Variants in MAGI3 observed in about 807,000 individuals in gnomAD.
MAGI3 encodes the protein membrane associated guanylate kinase, WW and PDZ domain containing 3, also known as membrane-associated guanylate kinase, WW and PDZ domain-containing protein 3.
Under a neutral mutation model 121.8 loss-of-function variants are expected in MAGI3, and 43 were observed. That is an observed-to-expected ratio of 0.35 (90% CI 0.28 to 0.46). MAGI3 has a LOEUF of 0.46. Ranked by LOEUF, MAGI3 falls within the 20% of genes least tolerant of loss-of-function variation. MAGI3 has a pLI of 1.00. For synonymous variants in MAGI3, 553 were observed against 639.3 expected, an observed-to-expected ratio of 0.86 and a Z score of 2.04; for missense variants, 1,547 against 1,797.3, an observed-to-expected ratio of 0.86 and a Z score of 2.52.
intron 1 of MAGI3, among the ~76,000 whole-genome samples, chr1:113,538,930 A>G (rs1201629515): frequency 6.6e-6 from 1 of 152,202 alleles, no homozygotes; most frequent in East Asian, 1.9e-4. Context: ...GTTTTTTGTC[A>G]TAATGGTCCA....
intron 1 of MAGI3, among the ~76,000 whole-genome samples, chr1:113,504,668 T>C (rs140494567): frequency 2.6e-5 from 4 of 152,218 alleles, no homozygotes; most frequent in African/African-American, 9.6e-5. Context: ...TTTATTAAAA[T>C]GGAAAATACA....
intron 4 of MAGI3, 57 bp downstream of exon 4, chr1:113,585,653 G>A (rs984925346): frequency 6.2e-5 from 91 of 1,468,438 alleles, no homozygotes; most frequent in Non-Finnish European, 7.6e-5. Context: ...TTACTATTAC[G>A]TTGAATTAAA....
At chr1:113,669,395 T>C (rs565585789) in intron 16 of MAGI3, among the ~76,000 whole-genome samples, 17 of 152,276 alleles carry the variant, frequency 1.1e-4, no homozygotes, top group Middle Eastern at 3.4e-3. Context: ...TGTGAGAACA[T>C]TGTGATCACA....
chr1:113,571,891 C>T (rs1011619409), intron 2 of MAGI3, among the ~76,000 whole-genome samples: 17 of 152,184 alleles, frequency 1.1e-4, no homozygotes, highest in Admixed American at 1.1e-3. Context: ...TTATTTCTTT[C>T]TCTTGCCTAA....
intron 1 of MAGI3, among the ~76,000 whole-genome samples, chr1:113,465,090 T>A (rs1655214296): frequency 1.3e-5 from 2 of 152,182 alleles, no homozygotes; most frequent in Admixed American, 1.3e-4. Flanking sequence ...TCCTGGAGCA[T>A]CTCCCCAGTG....
At chr1:113,495,022 C>T (rs1656850478) in intron 1 of MAGI3, among the ~76,000 whole-genome samples, 1 of 152,000 alleles carries the variant, frequency 6.6e-6, no homozygotes, top group Non-Finnish European at 1.5e-5. Context: ...CTTCTTAGTT[C>T]ATTGTTAGTA....
At chr1:113,533,762 C>T (rs1395538525) in intron 1 of MAGI3, among the ~76,000 whole-genome samples, 1 of 150,608 alleles carries the variant, frequency 6.6e-6, no homozygotes, top group Non-Finnish European at 1.5e-5. Context: ...TTGATTTGGA[C>T]TGTTTAAATA....
intron 4 of MAGI3, 116 bp from the exon 5 acceptor site, chr1:113,590,368 G>C (rs988043381): frequency 1.0e-6 from 1 of 953,694 alleles, no homozygotes; most frequent in African/African-American, 1.7e-5. Context: ...GGACATAATA[G>C]ACAAGAAATT....
intron 1 of MAGI3, among the ~76,000 whole-genome samples, chr1:113,529,630 A>C (rs755366241): frequency 5.3e-5 from 8 of 152,164 alleles, no homozygotes; most frequent in Non-Finnish European, 8.8e-5. Context: ...TTTTTCTTCT[A>C]TACTGGATGT....
chr1:113,665,759 G>A (rs901981512), intron 16 of MAGI3, among the ~76,000 whole-genome samples: 1 of 151,984 alleles, frequency 6.6e-6, no homozygotes, highest in Non-Finnish European at 1.5e-5. Context: ...CTCTTGGTAA[G>A]GTGAGTCTCA....
intron 1 of MAGI3, among the ~76,000 whole-genome samples, chr1:113,531,654 C>A (rs566314863): frequency 9.6e-4 from 118 of 123,364 alleles, no homozygotes; most frequent in African/African-American, 3.4e-3. Flanking sequence ...TTTATTTTGC[C>A]ATTTGTTTTG....
At chr1:113,482,892 A>G (rs1486509347) in intron 1 of MAGI3, among the ~76,000 whole-genome samples, 1 of 149,634 alleles carries the variant, frequency 6.7e-6, no homozygotes, top group Non-Finnish European at 1.5e-5. Flanking sequence ...TGCAGCCTCA[A>G]CCTCCTGGGC....
At chr1:113,437,888 T>C (rs539178415) in intron 1 of MAGI3, among the ~76,000 whole-genome samples, 51 of 2,126 alleles carry the variant, frequency 0.024, 2 homozygotes, top group East Asian at 0.1. Context: ...CTCCTTCTCC[T>C]TCTCCTTCTC....
chr1:113,594,374 G>T, intron 5 of MAGI3, 107 bp from the exon 6 acceptor site: 1 of 774,532 alleles, frequency 1.3e-6, no homozygotes, highest in Non-Finnish European at 2.1e-6. Context: ...GCCTGTTGGA[G>T]ATTAATGTTC....
At chr1:113,602,450 G>C (rs776879902) in intron 6 of MAGI3, among the ~76,000 whole-genome samples, 5 of 152,128 alleles carry the variant, frequency 3.3e-5, no homozygotes, top group Non-Finnish European at 7.4e-5. Context: ...CAAAACCTGA[G>C]ATACAGCAAA....
chr1:113,630,077 G>A lies in MAGI3; in HGVS notation c.1360+7083G>A, dbSNP rs532939711. ...AGCCGCGAGTGGATTCAGAGATATCGTCTGGGAGCTAGGGATTGAAGTCAA... is the reference window on the plus strand; with the variant it reads ...AGCCGCGAGTGGATTCAGAGATATCATCTGGGAGCTAGGGATTGAAGTCAA... On this transcript the variant is annotated intron_variant, in intron 9 of 20. Coordinates refer to ENST00000307546, the MANE Select transcript of MAGI3 (RefSeq NM_001142782.2). Among the ~76,000 whole-genome samples the A allele has an allele frequency of 1.3e-4, 20 of 152,192 alleles. 1 individual carries two copies. The highest frequency in any genetic ancestry group is 1.6e-4 in the Non-Finnish European group (11 of 68,020).
intron 19 of MAGI3, among the ~76,000 whole-genome samples, chr1:113,677,684 A>G (rs575388560): frequency 6.6e-6 from 1 of 152,286 alleles, no homozygotes; most frequent in South Asian, 2.1e-4. Context: ...TAAAAAAGGG[A>G]ACATTCTTTT....
At chr1:113,549,298 T>C (rs7528311) in intron 1 of MAGI3, among the ~76,000 whole-genome samples, 10,369 of 152,254 alleles carry the variant, frequency 0.068, 393 homozygotes, top group African/African-American at 0.078. Flanking sequence ...TCCCTTACCA[T>C]GTAAAATTAT....
intron 2 of MAGI3, among the ~76,000 whole-genome samples, chr1:113,559,192 C>T (rs1462817666): frequency 6.6e-6 from 1 of 152,162 alleles, no homozygotes; most frequent in Non-Finnish European, 1.5e-5. Flanking sequence ...GGATCAAATC[C>T]ACACATAACC....
Sources: allele counts gnomAD v4.1 joint callset (sites outside exome capture counted in the v4.1 genomes callset), GRCh38; gene constraint gnomAD v4.1.1; transcripts MANE v1.5; gene names NCBI Gene and HGNC (gene_info 2026-07-23, HGNC 2026-07-21).